The following PFKFB4 variants were observed in gnomAD, a reference collection of about 807,000 sequenced individuals.
The protein encoded by PFKFB4 is 6-phosphofructo-2-kinase/fructose-2,6-biphosphatase 4.
PFKFB4 carries 42 observed loss-of-function variants against 62.8 expected under a neutral mutation model. That is an observed-to-expected ratio of 0.67 (90% CI 0.52 to 0.86). The LOEUF is 0.86. PFKFB4 is among the 40% of genes least tolerant of loss of function. The pLI is 0.00. For synonymous variants in PFKFB4, 204 were observed against 240.7 expected (o/e 0.85, Z 1.41); for missense variants, 475 against 627.2 (o/e 0.76, Z 2.59).
rs1249451657 is a variant in PFKFB4 at position 48,556,705 on chromosome 3, C to T, written c.73G>A (p.Ala25Thr). The change falls in exon 1 of 14, where the codon GCT becomes ACT. Residue 25 changes from alanine to threonine, a missense_variant. Coordinates refer to ENST00000232375, the MANE Select transcript of PFKFB4 (RefSeq NM_004567.4). The surrounding 1 kb of genome is among the most constrained non-coding windows in gnomAD (Gnocchi z 5.7). ...IWMPYSNGRP[A>T]LHACQRGVCM... The stretch of plus-strand genomic sequence containing the variant: ...CCACCGCGCTGGCAAGCGTGCAGAG[C>T]GGGCCGCCCATTGCTGTATGGCATC... 1 of 1,611,304 alleles carries T rather than the reference C, an allele frequency of 6.2e-7. No homozygotes were observed. The highest frequency in any genetic ancestry group is 8.5e-7 in the Non-Finnish European group (1 of 1,178,698).
chr3:48,538,458 C>T, intron 7 of PFKFB4, 40 bp downstream of exon 7: 1 of 1,607,110 alleles, frequency 6.2e-7, no homozygotes, highest in South Asian at 1.1e-5. Context: ...CCCTGCCGCC[C>T]ACCATCACAG....
upstream of PFKFB4, among the ~76,000 whole-genome samples, chr3:48,558,140 T>C (rs2043374751): frequency 6.6e-6 from 1 of 152,204 alleles, no homozygotes; most frequent in Non-Finnish European, 1.5e-5. Flanking sequence ...CTCCCTCTTG[T>C]CTTTGAAAAT....
At chr3:48,532,376 T>C (rs1009680412) in intron 9 of PFKFB4, among the ~76,000 whole-genome samples, 2 of 152,216 alleles carry the variant, frequency 1.3e-5, no homozygotes, top group South Asian at 2.1e-4. Flanking sequence ...ATTCCACTTC[T>C]AGGTCTATAC....
rs570054100 is a variant in PFKFB4 at position 48,551,736 on chromosome 3, G to A, written c.98-1502C>T. On this transcript the variant is annotated intron_variant, in intron 1 of 13. Transcript: ENST00000232375. ...ATTTTTGTATTTTCAGTAGAGACAG[G>A]ATTTCATTATGTTAGTCAGGCTGGT... 1.1e-4 allele frequency among the ~76,000 whole-genome samples: 17 copies of A among 151,240 alleles called. No individual in the cohort carries two copies. In the South Asian group the frequency reaches 1.5e-3, roughly 13 times the overall value.
intron 9 of PFKFB4, among the ~76,000 whole-genome samples, chr3:48,529,273 T>A (rs2042360171): frequency 6.6e-6 from 1 of 152,148 alleles, no homozygotes; most frequent in Non-Finnish European, 1.5e-5. Flanking sequence ...ATCATTTTTT[T>A]AAAGGAACTA....
At chr3:48,539,626 G>A (rs185445847) in intron 5 of PFKFB4, 71 bp downstream of exon 5, 139 of 1,261,114 alleles carry the variant, frequency 1.1e-4, no homozygotes, top group Admixed American at 2.0e-4. Flanking sequence ...ATAAGCAGGC[G>A]GTGAAAGGAG....
At chr3:48,528,312 T>A (rs2042328408) in intron 9 of PFKFB4, among the ~76,000 whole-genome samples, 1 of 152,174 alleles carries the variant, frequency 6.6e-6, no homozygotes, top group Non-Finnish European at 1.5e-5. Flanking sequence ...AATTACCATA[T>A]GACCCAGCAA....
In PFKFB4 at chr3:48,556,699, G is replaced by A; in HGVS notation, c.79C>T (p.His27Tyr). The part of the protein sequence containing the change: ...MPYSNGRPAL[H>Y]ACQRGVCMTN... ...GCCTCACCACCGCGCTGGCAAGCGT[G>A]CAGAGCGGGCCGCCCATTGCTGTAT... Residue 27 changes from histidine (H) to tyrosine (Y), a missense_variant, in exon 1 of 14, where the codon CAC (histidine) becomes TAC (tyrosine). Physicochemically the swap from His to Tyr is moderately conservative, Grantham distance 83 (BLOSUM62 2). Transcript: ENST00000232375. The surrounding 1 kb of genome is among the most constrained non-coding windows in gnomAD (Gnocchi z 5.7). 6.2e-7 allele frequency: 1 copy of A among 1,611,234 alleles called. No homozygotes were observed. Among genetic ancestry groups the A allele is most frequent in the Non-Finnish European group, 8.5e-7 (1 of 1,178,728 alleles).
chr3:48,531,885 A>AAAAAG (rs1338651751), intron 9 of PFKFB4, among the ~76,000 whole-genome samples: 5 of 152,238 alleles, frequency 3.3e-5, no homozygotes, highest in African/African-American at 7.2e-5. Context: ...CTACTATTAA[A>AAAAAG]AAAAGAAAAG....
chr3:48,562,446 G>T, upstream of PFKFB4: 1 of 322,144 alleles, frequency 3.1e-6, no homozygotes, highest in Non-Finnish European at 5.7e-6. This position sits in a 1 kb window ranked among gnomAD's most constrained non-coding sequence, Gnocchi z 4.3. Flanking sequence ...AGCAAGACTC[G>T]CCACAGCAGT....
At chr3:48,532,310 A>T (rs1002426413) in intron 9 of PFKFB4, among the ~76,000 whole-genome samples, 1 of 152,130 alleles carries the variant, frequency 6.6e-6, no homozygotes, top group African/African-American at 2.4e-5. Flanking sequence ...ATTCCGTTTC[A>T]AAATAAATAA....
chr3:48,520,206 G>A (rs6762888), intron 13 of PFKFB4, among the ~76,000 whole-genome samples: 4,571 of 152,204 alleles, frequency 0.03, 174 homozygotes, highest in African/African-American at 0.084. Flanking sequence ...CTAGTTTAAA[G>A]TGTTGGCACG....
upstream of PFKFB4, chr3:48,559,848 C>T: frequency 2.9e-6 from 1 of 344,200 alleles, no homozygotes; most frequent in South Asian, 2.1e-5. Context: ...AAACTCTTCC[C>T]AGTCCCTGTA....
upstream of PFKFB4, chr3:48,559,524 C>A (rs905467325): frequency 2.2e-6 from 1 of 457,148 alleles, no homozygotes; most frequent in Non-Finnish European, 4.4e-6. Context: ...TCCCACTCCC[C>A]TGTGTCCTCT....
upstream of PFKFB4, chr3:48,559,464 T>C: frequency 2.2e-6 from 1 of 455,736 alleles, no homozygotes; most frequent in South Asian, 1.6e-5. Flanking sequence ...CTTCCAGACC[T>C]TGCCTGCCAC....
intron 9 of PFKFB4, among the ~76,000 whole-genome samples, chr3:48,530,758 A>G (rs560304750): frequency 6.6e-6 from 1 of 152,052 alleles, no homozygotes; most frequent in East Asian, 1.9e-4. Context: ...CCCAGGCTGG[A>G]GTGTAGTGAC....
At chr3:48,561,176 C>A, upstream of PFKFB4, 1 of 957,968 alleles carries the variant, frequency 1.0e-6, no homozygotes, top group Non-Finnish European at 1.4e-6. The surrounding 1 kb of genome is among the most constrained non-coding windows in gnomAD (Gnocchi z 5.2). Flanking sequence ...GTAACCCCGC[C>A]TAGCACTCTG....
At chr3:48,562,973 G>A (rs1430377010), upstream of PFKFB4, 3 of 1,607,000 alleles carry the variant, frequency 1.9e-6, no homozygotes, top group African/African-American at 2.7e-5. The surrounding 1 kb of genome is among the most constrained non-coding windows in gnomAD (Gnocchi z 4.3). Flanking sequence ...CCATGTGGGA[G>A]CAGCTGAGGG....
chr3:48,535,688 C>T (rs1304638596), intron 8 of PFKFB4, 30 bp from the exon 9 acceptor site: 3 of 1,613,522 alleles, frequency 1.9e-6, no homozygotes, highest in Non-Finnish European at 1.7e-6. Flanking sequence ...AACTCAGACC[C>T]ACAGGTCTTG....
Sources: allele counts gnomAD v4.1 joint callset (sites outside exome capture counted in the v4.1 genomes callset), GRCh38; gene constraint gnomAD v4.1.1; non-coding constraint Gnocchi (gnomAD v3.1); transcripts MANE v1.5; gene names NCBI Gene and HGNC (gene_info 2026-07-23, HGNC 2026-07-21).